The following FBXL18 variants were observed in gnomAD, a reference collection of about 807,000 sequenced individuals.
FBXL18 encodes F-box/LRR-repeat protein 18.
FBXL18 carries 36 observed loss-of-function variants against 46.0 expected under a neutral mutation model. The observed-to-expected ratio is 0.78, with a 90% CI of 0.60 to 1.03. The LOEUF (loss-of-function observed/expected upper bound fraction) is 1.03. FBXL18 is among the 50% of genes least tolerant of loss of function. The pLI is 0.00. For synonymous variants in FBXL18, 557 were observed against 465.3 expected (o/e 1.20, Z -2.54); for missense variants, 977 against 1,004.1 (o/e 0.97, Z 0.36).
chr7:5,493,070 C>G (rs1005231569), intron 3 of FBXL18, among the ~76,000 whole-genome samples: 2 of 152,160 alleles, frequency 1.3e-5, no homozygotes, highest in African/African-American at 2.4e-5. Context: ...CATGGTGGCT[C>G]ACACTTATAA....
chr7:5,501,092 C>G lies in FBXL18; in HGVS notation c.1177G>C (p.Ala393Pro). Residue 393 changes from alanine to proline, a missense_variant, in exon 3 of 5, where the codon GCC (alanine) becomes CCC (proline). Coordinates refer to ENST00000382368, the MANE Select transcript of FBXL18 (RefSeq NM_024963.6). ...CNLRHLNLSAAHHHSSEGLGR... is the reference protein window; with the variant it reads ...CNLRHLNLSAPHHHSSEGLGR... ...AGGCCCTCCGAGCTGTGGTGGTGGG[C>G]GGCCGAGAGGTTCAGGTGGCGCAGG... 1 of 1,612,176 alleles carries G rather than the reference C, an allele frequency of 6.2e-7. No homozygotes were observed. Among genetic ancestry groups the G allele is most frequent in the Admixed American group, 1.7e-5 (1 of 60,004 alleles).
At position 5,496,043 on chromosome 7, in the gene FBXL18, C is replaced by A. The variant is rs974970237; in HGVS notation, c.1781+4445G>T. On this transcript the variant is annotated intron_variant, in intron 3 of 4. Transcript: ENST00000382368. This position sits in a 1 kb window ranked among gnomAD's most constrained non-coding sequence, Gnocchi z 4.8. The stretch of plus-strand genomic sequence containing the variant: ...CCATGGCCCTGCTCCTGAGGAAGGC[C>A]CTTGGCCACGGGGATTCCGTCCCAG... 1 of 366,856 alleles carries A rather than the reference C, an allele frequency of 2.7e-6. No homozygotes were observed. Among genetic ancestry groups the A allele is most frequent in the African/African-American group, 2.1e-5 (1 of 46,716 alleles). 22.7% of individuals were successfully genotyped at this position (366,856 alleles called of 1,614,324 possible). A position where few individuals can be genotyped will look rare whatever the true frequency, so the allele number is the denominator to read the frequency against.
rs1783238731 is a variant in FBXL18, at chr7:5,461,174, C to T, written c.2001-13331G>A. Among the ~76,000 whole-genome samples, 3 of 152,196 alleles carry T rather than the reference C, an allele frequency of 2.0e-5. No homozygotes were observed. In the South Asian group the frequency reaches 6.2e-4, roughly 31 times the overall value. ...CGGACCTGAGCCCAGCTCAGCAGCT[C>T]AGGGATAGGTCAGGGAATAACAAGG... is the stretch of plus-strand genomic sequence containing the variant. On this transcript the variant is annotated intron_variant and NMD_transcript_variant, in intron 4 of 6. Coordinates refer to the FBXL18 transcript ENST00000415009.
intron 4 of FBXL18, among the ~76,000 whole-genome samples, chr7:5,467,893 G>C (rs988803282): frequency 1.3e-5 from 2 of 151,986 alleles, no homozygotes; most frequent in African/African-American, 4.8e-5. Context: ...GCAAAGCCCT[G>C]TCATTAAAAT....
At position 5,478,895 on chromosome 7, in the gene FBXL18, A is replaced by G. The variant is rs979938218; in HGVS notation, c.*2880T>C. 1.3e-5 allele frequency: 2 copies of G among 152,282 alleles called. No homozygotes were observed. The highest frequency in any genetic ancestry group is 1.3e-4 in the Admixed American group (2 of 15,290). 9.4% of individuals were successfully genotyped at this position (152,282 alleles called of 1,614,324 possible). On this transcript the variant is annotated 3_prime_UTR_variant, in exon 5 of 5. Transcript: ENST00000382368. ...CACGCAGGCACGGGGACAAGTGCTG[A>G]CCACGCTCCTCCAGCAGGCAGCATA...
chr7:5,462,588 A>T (rs1317742813), intron 4 of FBXL18, among the ~76,000 whole-genome samples: 1 of 152,088 alleles, frequency 6.6e-6, no homozygotes, highest in African/African-American at 2.4e-5. Flanking sequence ...GCAGCTCTCA[A>T]ATGCTTGCTC....
intron 3 of FBXL18, among the ~76,000 whole-genome samples, chr7:5,497,115 C>T (rs1784101921): frequency 6.6e-6 from 1 of 150,984 alleles, no homozygotes; most frequent in Admixed American, 6.6e-5. Flanking sequence ...GTGGGAGGAT[C>T]ACCTGAGCCA....
rs754539697 is a variant in FBXL18, at chr7:5,491,394, A to G, written c.1837T>C (p.Cys613Arg). The change falls in exon 4 of 5, where the codon TGC (cysteine) becomes CGC (arginine). Residue 613 changes from cysteine to arginine, a missense_variant. Physicochemically the swap from Cys to Arg is radical, Grantham distance 180. Transcript: ENST00000382368. ...NAQFFQALSQ[C>R]PSLQRLCLVS... is the part of the protein sequence containing the mutation. Reference sequence around the variant, plus strand: ...AGGCACAGGCGCTGCAGCGAGGGGCACTGGCTCAGCGCCTGGAAGAACTGG... The same window carrying G: ...AGGCACAGGCGCTGCAGCGAGGGGCGCTGGCTCAGCGCCTGGAAGAACTGG... 3 of 1,606,552 alleles carry G rather than the reference A, an allele frequency of 1.9e-6. No individual in the cohort carries two copies. Among genetic ancestry groups the G allele is most frequent in the Admixed American group, 3.4e-5 (2 of 58,670 alleles).
intron 4 of FBXL18, among the ~76,000 whole-genome samples, chr7:5,458,605 G>C (rs1285259168): frequency 6.6e-6 from 1 of 152,112 alleles, no homozygotes; most frequent in Non-Finnish European, 1.5e-5. Context: ...GGCTGAGGCA[G>C]GAGTATCGCT....
Position 5,455,909 on chromosome 7 carries a change from G to T in FBXL18, c.2001-8066C>A, listed in dbSNP as rs936158368. ...CTGCCCCATGCGGGACTCTCTCATG[G>T]GCCGTGCTGGCTCCAGCATCGCAGT... On this transcript the variant is annotated intron_variant and NMD_transcript_variant, in intron 4 of 6. Transcript: ENST00000415009. This position sits in a 1 kb window ranked among gnomAD's most constrained non-coding sequence, Gnocchi z 4.6. Among the ~76,000 whole-genome samples the T allele has an allele frequency of 6.6e-6, 1 of 152,068 alleles. No homozygotes were observed. The highest frequency in any genetic ancestry group is 2.4e-5 in the African/African-American group (1 of 41,400).
rs1424040893 is a variant in FBXL18 at position 5,480,259 on chromosome 7, CCAGGGCGGCGGTCCAGGCTAG to C, written c.*1495_*1515del. Among the ~76,000 whole-genome samples the C allele has an allele frequency of 1.3e-5, 2 of 152,134 alleles. No homozygotes were observed. Among genetic ancestry groups the C allele is most frequent in the Non-Finnish European group, 2.9e-5 (2 of 68,026 alleles). ...ACAAGGGGCCCTTCACCAAGAGCGGCCAGGGCGGCGGTCCAGGCTAGCAGGGCCCAACTACAGCCCCCTTTG... is the reference window on the plus strand; with the variant it reads ...ACAAGGGGCCCTTCACCAAGAGCGGCCAGGGCCCAACTACAGCCCCCTTTG... On this transcript the variant is annotated 3_prime_UTR_variant, in exon 5 of 5. Transcript: ENST00000382368.
intron 4 of FBXL18, among the ~76,000 whole-genome samples, chr7:5,466,237 G>A (rs980112176): frequency 2.4e-4 from 37 of 151,960 alleles, no homozygotes; most frequent in Admixed American, 2.0e-3. Context: ...TGGAAGAAAC[G>A]GTGTTAATTA....
At position 5,491,368 on chromosome 7, in the gene FBXL18, CAGGCACAGGCGCTGCAGCG is replaced by C; in HGVS notation, c.1844_1862del (p.Ser615TrpfsTer55). On this transcript the variant is annotated frameshift_variant, in exon 4 of 5. Transcript: ENST00000382368. LOFTEE classifies it high-confidence loss of function. ...GCTGGAGGGTGCCGCTGCGAGAGAC[CAGGCACAGGCGCTGCAGCG>C]AGGGGCACTGGCTCAGCGCCTGGAA... 6.2e-7 allele frequency: 1 copy of C among 1,609,782 alleles called. No homozygotes were observed. The highest frequency in any genetic ancestry group is 1.1e-5 in the South Asian group (1 of 90,410).
chr7:5,489,916 G>C (rs1783873216), intron 4 of FBXL18: 2 of 1,157,902 alleles, frequency 1.7e-6, no homozygotes, highest in Admixed American at 2.5e-5. Flanking sequence ...CTGCACTCCA[G>C]CCTGGACGAC....
intron 4 of FBXL18, among the ~76,000 whole-genome samples, chr7:5,463,728 A>ATTTATTTTTTTTTTTTTTTTTTTTTTTT (rs1562672288): frequency 1.9e-5 from 1 of 53,032 alleles, no homozygotes; most frequent in African/African-American, 8.0e-5. Context: ...TTATTTATTT[A>ATTTATTTTTTTTTTTTTTTTTTTTTTTT]TTTTTTTTTT....
intron 2 of FBXL18, 72 bp from the exon 3 acceptor site, chr7:5,502,103 G>GCGC: frequency 9.1e-7 from 1 of 1,096,652 alleles, no homozygotes; most frequent in Non-Finnish European, 1.3e-6. Flanking sequence ...AACCCTCAGT[G>GCGC]CGCACACTCC....
Position 5,481,422 on chromosome 7 carries a change from G to C in FBXL18, c.*353C>G. Reference sequence around the variant, plus strand: ...AGGGACACGCTTCCCGGTCGGAAGTGGCAGGGGGTTCGGGCCCTCCAGGCC... The same window carrying C: ...AGGGACACGCTTCCCGGTCGGAAGTCGCAGGGGGTTCGGGCCCTCCAGGCC... On this transcript the variant is annotated 3_prime_UTR_variant, in exon 5 of 5. Coordinates refer to ENST00000382368, the MANE Select transcript of FBXL18 (RefSeq NM_024963.6). 1 of 191,968 alleles carries C rather than the reference G, an allele frequency of 5.2e-6. No homozygotes were observed. Among genetic ancestry groups the C allele is most frequent in the South Asian group, 8.6e-5 (1 of 11,658 alleles). 11.9% of individuals were successfully genotyped at this position (191,968 alleles called of 1,614,324 possible).
At chr7:5,462,970 ATATAT>A (rs1193287428) in intron 4 of FBXL18, among the ~76,000 whole-genome samples, 1 of 13,826 alleles carries the variant, frequency 7.2e-5, no homozygotes, top group Non-Finnish European at 1.7e-4. Flanking sequence ...AAAAAAAAAA[ATATAT>A]ATATATATAT....
At chr7:5,494,882 C>A (rs1462042149) in intron 3 of FBXL18, among the ~76,000 whole-genome samples, 1 of 149,484 alleles carries the variant, frequency 6.7e-6, no homozygotes, top group East Asian at 1.9e-4. Context: ...GAAAAAAAAC[C>A]TTTTTTCCAC....
Sources: gnomAD v4.1 joint callset for allele counts (sites outside exome capture counted in the v4.1 genomes callset) on GRCh38, gnomAD v4.1.1 for gene constraint, Gnocchi (gnomAD v3.1) non-coding constraint, MANE v1.5 for transcripts, NCBI Gene and HGNC (gene_info 2026-07-23, HGNC 2026-07-21) for gene names.